Variants in HTD2 observed in about 807,000 individuals in gnomAD.
HTD2 encodes hydroxyacyl-thioester dehydratase type 2, also known as hydroxyacyl-thioester dehydratase type 2, mitochondrial.
HTD2 carries 1 observed loss-of-function variant against 3.1 expected under a neutral mutation model. The ratio of observed to expected loss-of-function variants is 0.32; its 90% confidence interval spans 0.11 to 1.52. HTD2 has a LOEUF of 1.52. Among genes scored for constraint, HTD2 ranks in the 40% most tolerant of loss-of-function variants. The pLI is 0.39. For missense variants in HTD2, 150 were observed against 79.6 expected (o/e 1.88, Z -3.36); for synonymous variants, 50 against 28.9 (o/e 1.73, Z -2.34).
chr3:58,318,182 A>C lies in HTD2; in HGVS notation c.*62A>C. The C allele has an allele frequency of 1.7e-6, 1 of 601,924 alleles. No homozygotes were observed. Among genetic ancestry groups the C allele is most frequent in the Non-Finnish European group, 2.9e-6 (1 of 340,508 alleles). 37.3% of individuals were successfully genotyped at this position (601,924 alleles called of 1,614,324 possible). A position where few individuals can be genotyped will look rare whatever the true frequency, so the allele number is the denominator to read the frequency against. ...GCTGTTGTTAAAGAGCCTATGGGGA[A>C]TTGCTGCTCTTTACCAAAGAATGGT... On this transcript the variant is annotated 3_prime_UTR_variant, in exon 5 of 5. Transcript: ENST00000461393.
intron 1 of HTD2, 60 bp from the exon 2 acceptor site, chr3:58,310,447 T>G: frequency 6.2e-7 from 1 of 1,607,474 alleles, no homozygotes; most frequent in Non-Finnish European, 8.5e-7. Context: ...ATTACTTTTC[T>G]AACATGAATC....
chr3:58,310,660 C>T (rs549613483), intron 2 of HTD2, 69 bp downstream of exon 2: 26 of 1,332,466 alleles, frequency 2.0e-5, no homozygotes, highest in Middle Eastern at 3.8e-4. Flanking sequence ...AGGCCGGGCG[C>T]GGTAGCTCAC....
At chr3:58,316,491 C>T (rs763028261) in intron 2 of HTD2, 24 bp from the exon 3 acceptor site, 19 of 1,597,208 alleles carry the variant, frequency 1.2e-5, no homozygotes, top group Non-Finnish European at 1.5e-5. Context: ...GAATAGCCTG[C>T]TAATAGCATT....
In HTD2 at chr3:58,310,608, T is replaced by C. The variant is rs758501963; in HGVS notation, c.-331+17T>C. 1.9e-6 allele frequency: 3 copies of C among 1,589,304 alleles called. No individual in the cohort carries two copies. The Admixed American group carries it at 5.5e-5, about 29-fold the overall frequency. ...TTTGGGGAGGTATGGAATCACTTGG[T>C]AGATTGAACATTCCAAAGATCTTTG... On this transcript the variant is annotated intron_variant, in intron 2 of 4. Coordinates refer to ENST00000461393, the MANE Select transcript of HTD2 (RefSeq NM_001348712.2).
At chr3:58,306,352 G>C (rs1306315130), upstream of HTD2, 3 of 152,398 alleles carry the variant, frequency 2.0e-5, no homozygotes, top group African/African-American at 4.8e-5. Context: ...GGAGCCCCAA[G>C]CCTTGGCGGG....
At chr3:58,314,786 G>A (rs2097486587) in intron 2 of HTD2, among the ~76,000 whole-genome samples, 1 of 148,248 alleles carries the variant, frequency 6.7e-6, no homozygotes, top group African/African-American at 2.5e-5. Flanking sequence ...CCAGGTTCAG[G>A]CGATTCTCCT....
chr3:58,308,862 G>A (rs547249948), intron 1 of HTD2, among the ~76,000 whole-genome samples: 2 of 152,320 alleles, frequency 1.3e-5, no homozygotes, highest in Admixed American at 1.3e-4. Flanking sequence ...TCATGAAGAG[G>A]TGGTATTTAA....
intron 1 of HTD2, 162 bp from the exon 2 acceptor site, chr3:58,310,345 G>A: frequency 6.2e-7 from 1 of 1,614,132 alleles, no homozygotes; most frequent in Non-Finnish European, 8.5e-7. Flanking sequence ...TGCCCCTGCT[G>A]CCACATATGA....
intron 2 of HTD2, chr3:58,315,609 C>T (rs6445969): frequency 0.77 from 117,518 of 152,248 alleles, 45,991 homozygotes; most frequent in East Asian, 1. Flanking sequence ...ACTGTAGTTA[C>T]GCAAGACATT....
intron 2 of HTD2, among the ~76,000 whole-genome samples, chr3:58,315,510 A>G (rs975774627): frequency 2.6e-5 from 4 of 152,184 alleles, no homozygotes; most frequent in African/African-American, 9.7e-5. Context: ...AGAGCCACAC[A>G]CAGGTATAAA....
chr3:58,310,497 C>A lies in HTD2; in HGVS notation c.-415-10C>A. 1.3e-6 allele frequency: 2 copies of A among 1,590,216 alleles called. No homozygotes were observed. Among genetic ancestry groups the A allele is most frequent in the Non-Finnish European group, 1.7e-6 (2 of 1,168,498 alleles). On this transcript the variant is annotated splice_polypyrimidine_tract_variant and intron_variant, in intron 1 of 4. Transcript: ENST00000461393. ...TTTAATATGACTTTTTTTTTTTTCACTTTTTTTAGAGAATTTCAAGATTGT... is the reference window on the plus strand; with the variant it reads ...TTTAATATGACTTTTTTTTTTTTCAATTTTTTTAGAGAATTTCAAGATTGT...
chr3:58,317,880 C>T lies in HTD2; in HGVS notation c.267C>T (p.Asn89=), dbSNP rs770479821. The T allele has an allele frequency of 3.6e-5, 25 of 702,892 alleles. No homozygotes were observed. The highest frequency in any genetic ancestry group is 1.0e-4 in the African/African-American group (6 of 57,244). 43.5% of individuals were successfully genotyped at this position (702,892 alleles called of 1,614,324 possible). Residue 89 remains asparagine, a synonymous_variant, in exon 5 of 5, where the codon AAC becomes AAT. Coordinates refer to ENST00000461393, the MANE Select transcript of HTD2 (RefSeq NM_001348712.2). ...CAATTGTACATGGAGTTTTGATCAA[C>T]GGACTTATCTCAGCTCTCCTAGGAA... ...GNTIVHGVLI[N]GLISALLGTK...
rs1032096721 is a variant in HTD2 at position 58,317,074 on chromosome 3, T to C, written c.-175+81T>C. ...TCTTAATATACACAACTCATTTTTGTGCTTGCATAAATGTAATATGGTTAA... is the reference window on the plus strand; with the variant it reads ...TCTTAATATACACAACTCATTTTTGCGCTTGCATAAATGTAATATGGTTAA... On this transcript the variant is annotated intron_variant, in intron 4 of 4. Coordinates refer to ENST00000461393, the MANE Select transcript of HTD2 (RefSeq NM_001348712.2). The C allele has an allele frequency of 5.0e-6, 5 of 1,009,256 alleles. No individual in the cohort carries two copies. The African/African-American group carries it at 6.4e-5, about 13-fold the overall frequency. The allele number at this position is 1,009,256 out of a possible 1,614,324, so 62.5% of individuals were successfully genotyped here.
chr3:58,310,493 T>C lies in HTD2; in HGVS notation c.-415-14T>C. ...GAAATTTAATATGACTTTTTTTTTT[T>C]TCACTTTTTTTAGAGAATTTCAAGA... On this transcript the variant is annotated splice_polypyrimidine_tract_variant and intron_variant, in intron 1 of 4. Coordinates refer to ENST00000461393, the MANE Select transcript of HTD2 (RefSeq NM_001348712.2). The C allele has an allele frequency of 1.2e-6, 2 of 1,605,116 alleles. No individual in the cohort carries two copies. Among genetic ancestry groups the C allele is most frequent in the Admixed American group, 1.7e-5 (1 of 58,296 alleles).
In HTD2 at chr3:58,319,924, A is replaced by G. The variant is rs991014685; in HGVS notation, c.*1804A>G. On this transcript the variant is annotated 3_prime_UTR_variant, in exon 5 of 5. Coordinates refer to ENST00000461393, the MANE Select transcript of HTD2 (RefSeq NM_001348712.2). Reference sequence around the variant, plus strand: ...AAGTTGTACAACCATCACCAAATCAATTTTTTATAGCATTTTTCATCACCC... The same window carrying G: ...AAGTTGTACAACCATCACCAAATCAGTTTTTTATAGCATTTTTCATCACCC... The G allele has an allele frequency of 6.6e-6, 1 of 152,080 alleles. No homozygotes were observed. Among genetic ancestry groups the G allele is most frequent in the African/African-American group, 2.4e-5 (1 of 41,396 alleles). 9.4% of individuals were successfully genotyped at this position (152,080 alleles called of 1,614,324 possible). A position where few individuals can be genotyped will look rare whatever the true frequency, so the allele number is the denominator to read the frequency against.
chr3:58,312,793 T>G (rs945395649), intron 2 of HTD2, among the ~76,000 whole-genome samples: 1 of 151,916 alleles, frequency 6.6e-6, no homozygotes, highest in African/African-American at 2.4e-5. Context: ...AAACGCTTTC[T>G]CTACTGAAAA....
intron 2 of HTD2, among the ~76,000 whole-genome samples, chr3:58,315,045 G>T (rs1302405987): frequency 1.3e-5 from 2 of 152,000 alleles, no homozygotes; most frequent in Admixed American, 1.3e-4. Context: ...AGCACTCCTG[G>T]GCATCTGTTC....
In HTD2 at chr3:58,316,973, T is replaced by C. The variant is rs1438658135; in HGVS notation, c.-195T>C. On this transcript the variant is annotated 5_prime_UTR_variant, in exon 4 of 5. An upstream start codon of the reference 5' UTR is lost. Transcript: ENST00000461393. ...GTTAGGATCCTATAAAGGCAAAAAA[T>C]GTGCTTTCCGGGTGATTCAGGTAAA... The C allele has an allele frequency of 6.2e-7, 1 of 1,613,936 alleles. No homozygotes were observed. Among genetic ancestry groups the C allele is most frequent in the Non-Finnish European group, 8.5e-7 (1 of 1,179,860 alleles).
In HTD2 at chr3:58,319,655, ATAAATAT is replaced by A. The variant is rs2097492374; in HGVS notation, c.*1539_*1545del. On this transcript the variant is annotated 3_prime_UTR_variant, in exon 5 of 5. Coordinates refer to ENST00000461393, the MANE Select transcript of HTD2 (RefSeq NM_001348712.2). ...AGTAAAAAAAAAAAAATTGTAAGAA[ATAAATAT>A]TAAGAAGATTATGGAGGCCAAATTC... The A allele has an allele frequency of 6.6e-6, 1 of 152,034 alleles. No homozygotes were observed. The highest frequency in any genetic ancestry group is 1.5e-5 in the Non-Finnish European group (1 of 68,032). 9.4% of individuals were successfully genotyped at this position (152,034 alleles called of 1,614,324 possible). A position where few individuals can be genotyped will look rare whatever the true frequency, so the allele number is the denominator to read the frequency against.
Sources: allele counts gnomAD v4.1 joint callset (sites outside exome capture counted in the v4.1 genomes callset), GRCh38; gene constraint gnomAD v4.1.1; transcripts MANE v1.5; gene names NCBI Gene and HGNC (gene_info 2026-07-23, HGNC 2026-07-21).